The following BTAF1 variants were observed in gnomAD, a reference collection of about 807,000 sequenced individuals.
BTAF1 encodes the protein TATA-binding protein-associated factor 172.
A neutral mutation model predicts 227.1 loss-of-function variants in BTAF1; 38 were observed. The ratio of observed to expected loss-of-function variants is 0.17; its 90% CI spans 0.13 to 0.22. BTAF1 has a LOEUF of 0.22. BTAF1 is among the 10% of genes least tolerant of loss of function. The probability of loss-of-function intolerance (pLI) is 1.00; values close to 1 mark genes in which losing one functional copy is unlikely to be tolerated. For missense variants in BTAF1, 1,598 were observed against 2,204.0 expected (o/e 0.73, Z 5.51); for synonymous variants, 742 against 751.9 (o/e 0.99, Z 0.21).
At chr10:91,959,031 T>C in intron 8 of BTAF1, 34 bp from the exon 9 acceptor site, 1 of 1,584,290 alleles carries the variant, frequency 6.3e-7, no homozygotes, top group Non-Finnish European at 8.6e-7. Context: ...CTTAAACATT[T>C]AACATCTGAC....
intron 4 of BTAF1, among the ~76,000 whole-genome samples, chr10:91,948,025 A>T (rs1845499455): frequency 6.6e-6 from 1 of 151,400 alleles, no homozygotes; most frequent in East Asian, 1.9e-4. Flanking sequence ...TTTTATTATT[A>T]TACTTTAAGT....
At chr10:91,936,028 T>C (rs1450881823) in intron 2 of BTAF1, among the ~76,000 whole-genome samples, 1 of 152,104 alleles carries the variant, frequency 6.6e-6, no homozygotes, top group East Asian at 1.9e-4. Context: ...TAAACTAAGT[T>C]GTTTATCTGG....
intron 35 of BTAF1, among the ~76,000 whole-genome samples, chr10:92,025,831 A>C (rs865974348): frequency 3.3e-5 from 5 of 150,998 alleles, no homozygotes; most frequent in African/African-American, 1.2e-4. Context: ...AAAAAAAAAA[A>C]ACAAGCATCC....
intron 6 of BTAF1, among the ~76,000 whole-genome samples, chr10:91,954,214 T>C (rs565900009): frequency 6.6e-6 from 1 of 152,230 alleles, no homozygotes; most frequent in East Asian, 1.9e-4. Context: ...CCTTCTATAC[T>C]GGGATGAGTG....
chr10:91,973,312 TTATCTC>T (rs1177125556), intron 14 of BTAF1, among the ~76,000 whole-genome samples: 9 of 152,222 alleles, frequency 5.9e-5, no homozygotes, highest in Admixed American at 1.3e-4. Flanking sequence ...TCTCTGGTGA[TTATCTC>T]TAGCCTCTGT....
intron 1 of BTAF1, among the ~76,000 whole-genome samples, chr10:91,924,908 A>G (rs958233650): frequency 2.4e-4 from 36 of 152,242 alleles, no homozygotes; most frequent in African/African-American, 8.4e-4. Context: ...GGATGGATTC[A>G]CCAAGTTCCT....
chr10:91,951,422 G>A lies in BTAF1; in HGVS notation c.420G>A (p.Glu140=). The A allele has an allele frequency of 1.2e-6, 2 of 1,611,050 alleles. No homozygotes were observed. The highest frequency in any genetic ancestry group is 1.7e-6 in the Non-Finnish European group (2 of 1,179,202). The change falls in exon 5 of 38, where the codon GAG becomes GAA. Residue 140 remains glutamate, a synonymous_variant. Transcript: ENST00000265990. ...TGAAAGGTGAAGTGGATCCTAAAGA[G>A]AGGATAGCACGCCAACGAAAATTAT... is the stretch of plus-strand genomic sequence containing the variant. The part of the protein sequence containing the change: ...DEKSGEVDPK[E]RIARQRKLLQ...
intron 36 of BTAF1, 136 bp downstream of exon 36, chr10:92,026,887 T>C: frequency 9.7e-7 from 1 of 1,031,304 alleles, no homozygotes; most frequent in Non-Finnish European, 1.4e-6. Flanking sequence ...ATCACTTAAC[T>C]CTTCTGTGGT....
At chr10:91,999,554 C>G (rs1849363994) in intron 25 of BTAF1, among the ~76,000 whole-genome samples, 1 of 152,116 alleles carries the variant, frequency 6.6e-6, no homozygotes, top group Non-Finnish European at 1.5e-5. Context: ...GCCACTGCGC[C>G]CTGCTAATTT....
chr10:91,942,292 A>AG, intron 3 of BTAF1, 130 bp from the exon 4 acceptor site: 1 of 653,114 alleles, frequency 1.5e-6, no homozygotes, highest in South Asian at 2.1e-5. Flanking sequence ...TCTTAAAAAA[A>AG]AAAGTTTGTG....
intron 11 of BTAF1, among the ~76,000 whole-genome samples, chr10:91,962,174 T>C (rs1372023409): frequency 1.3e-5 from 2 of 152,230 alleles, no homozygotes; most frequent in Non-Finnish European, 2.9e-5. Context: ...TATAATACTG[T>C]ACTTTGATTG....
chr10:92,013,732 C>G lies in BTAF1; in HGVS notation c.4377C>G (p.Arg1459=). The part of the protein sequence containing the change: ...FLMPGFLGTE[R]QFAARYGKPI... Reference sequence around the variant, plus strand: ...TGCCAGGATTTTTGGGTACTGAACGCCAGTTTGCTGCTCGATATGGTAAAC... The same window carrying G: ...TGCCAGGATTTTTGGGTACTGAACGGCAGTTTGCTGCTCGATATGGTAAAC... The change falls in exon 31 of 38, where the codon CGC becomes CGG. Residue 1459 remains arginine (R), a synonymous_variant. Coordinates refer to ENST00000265990, the MANE Select transcript of BTAF1 (RefSeq NM_003972.3). The G allele has an allele frequency of 1.2e-6, 2 of 1,613,990 alleles. No individual in the cohort carries two copies. Among genetic ancestry groups the G allele is most frequent in the South Asian group, 1.1e-5 (1 of 91,074 alleles).
rs142662167 is a variant in BTAF1 at position 91,960,137 on chromosome 10, G to A, written c.1246G>A (p.Ala416Thr). Reference sequence around the variant, plus strand: ...TGGTGGTCTGCTGGGAATAAAATATGCTTTGGCAGTCCGTCAGGTAAATAT... The same window carrying A: ...TGGTGGTCTGCTGGGAATAAAATATACTTTGGCAGTCCGTCAGGTAAATAT... ...RHGGLLGIKYALAVRQDVINT... is the reference protein window; with the variant it reads ...RHGGLLGIKYTLAVRQDVINT... Residue 416 changes from alanine (A) to threonine (T), a missense_variant, in exon 11 of 38, where the codon GCT (alanine) becomes ACT (threonine). Physicochemically the swap from Ala to Thr is moderately conservative, Grantham distance 58 (BLOSUM62 0). Around this residue, in one of 10 missense-constraint regions of BTAF1, gnomAD observed 52 missense variants for 72.4 expected, o/e 0.72. Transcript: ENST00000265990. The A allele has an allele frequency of 1.0e-4, 161 of 1,612,606 alleles. No homozygotes were observed. In the African/African-American group the frequency reaches 1.8e-3, roughly 18 times the overall value.
At chr10:91,944,840 A>G (rs2133829884) in intron 4 of BTAF1, among the ~76,000 whole-genome samples, 1 of 152,356 alleles carries the variant, frequency 6.6e-6, no homozygotes, top group South Asian at 2.1e-4. Context: ...TCAGCAACAG[A>G]CTAGGACTGC....
Position 92,013,805 on chromosome 10 carries a change from G to A in BTAF1, c.4450G>A (p.Ala1484Thr). 6.2e-7 allele frequency: 1 copy of A among 1,613,972 alleles called. No homozygotes were observed. The highest frequency in any genetic ancestry group is 8.5e-7 in the Non-Finnish European group (1 of 1,180,004). ...DARSSSREQEAGVLAMDALHR... is the reference protein window; with the variant it reads ...DARSSSREQETGVLAMDALHR... ...TCGAAGCTCCAGTCGAGAGCAAGAA[G>A]CAGGTATGAAAGAGATATAATTATA... Residue 1484 changes from alanine to threonine, a missense_variant, in exon 31 of 38, where the codon GCA (alanine) becomes ACA (threonine). By Grantham distance (58) the Ala-to-Thr change is moderately conservative. Coordinates refer to ENST00000265990, the MANE Select transcript of BTAF1 (RefSeq NM_003972.3).
chr10:91,966,303 A>G (rs887974163), intron 13 of BTAF1, among the ~76,000 whole-genome samples: 3 of 152,196 alleles, frequency 2.0e-5, no homozygotes, highest in Non-Finnish European at 2.9e-5. Flanking sequence ...ACCAGCTAGG[A>G]TACATGTCCC....
At chr10:91,950,073 T>G (rs1845642435) in intron 4 of BTAF1, among the ~76,000 whole-genome samples, 1 of 147,134 alleles carries the variant, frequency 6.8e-6, no homozygotes, top group African/African-American at 2.5e-5. Flanking sequence ...GTCCAGGAGT[T>G]TGAGGCTGCA....
At chr10:91,947,913 T>C (rs557256133) in intron 4 of BTAF1, among the ~76,000 whole-genome samples, 2 of 152,324 alleles carry the variant, frequency 1.3e-5, no homozygotes, top group East Asian at 3.9e-4. Context: ...GTTGCTATCG[T>C]AAATAGAATT....
chr10:91,997,193 T>C (rs1323459780), intron 24 of BTAF1: 1 of 1,258,990 alleles, frequency 7.9e-7, no homozygotes, highest in African/African-American at 1.5e-5. Context: ...ATCCTGCTGG[T>C]GATTGTCAAG....
Sources: allele counts gnomAD v4.1 joint callset (sites outside exome capture counted in the v4.1 genomes callset), GRCh38; gene constraint gnomAD v4.1.1; regional missense constraint gnomAD v4.1.1; transcripts MANE v1.5; gene names NCBI Gene and HGNC (gene_info 2026-07-23, HGNC 2026-07-21).